The following ATRNL1 variants were observed in gnomAD, a reference collection of about 807,000 sequenced individuals.
The protein encoded by ATRNL1 is attractin like 1.
ATRNL1 carries 95 observed loss-of-function variants against 182.7 expected under a neutral mutation model. The observed-to-expected ratio is 0.52, with a 90% CI of 0.44 to 0.62. The LOEUF (loss-of-function observed/expected upper bound fraction) is 0.62. Ranked by LOEUF, ATRNL1 falls within the 20% of genes least tolerant of loss-of-function variation. The probability of loss-of-function intolerance (pLI) is 0.00; values close to 1 mark genes in which losing one functional copy is unlikely to be tolerated. For missense variants in ATRNL1, 1,471 were observed against 1,679.5 expected (o/e 0.88, Z 2.17); for synonymous variants, 576 against 568.3 (o/e 1.01, Z -0.19).
intron 26 of ATRNL1, among the ~76,000 whole-genome samples, chr10:115,682,005 C>A (rs1325834890): frequency 6.6e-6 from 1 of 152,130 alleles, no homozygotes; most frequent in Non-Finnish European, 1.5e-5. Context: ...ACTTGGTGTG[C>A]AGCCCTTTAT....
chr10:115,715,454 A>G (rs1317171379), intron 26 of ATRNL1, among the ~76,000 whole-genome samples: 2 of 152,178 alleles, frequency 1.3e-5, no homozygotes, highest in Non-Finnish European at 2.9e-5. Flanking sequence ...ACCCTGGAAT[A>G]TGAAAAAGCA....
intron 28 of ATRNL1, among the ~76,000 whole-genome samples, chr10:115,868,822 C>CTTTTTTTTCTTTTTTTTTTTT (rs1951501368): frequency 1.7e-5 from 1 of 58,084 alleles, no homozygotes; most frequent in Non-Finnish European, 3.2e-5. Flanking sequence ...AGTCTTTATT[C>CTTTTTTTTCTTTTTTTTTTTT]TTTTTTTTTT....
chr10:115,311,190 T>TA (rs1164076687), intron 17 of ATRNL1, among the ~76,000 whole-genome samples: 1 of 858 alleles, frequency 1.2e-3, no homozygotes, highest in South Asian at 0.25. Context: ...ATGATTTAGA[T>TA]TTTTTTTTTT....
At chr10:115,507,630 A>G (rs560099438) in intron 24 of ATRNL1, among the ~76,000 whole-genome samples, 1 of 152,184 alleles carries the variant, frequency 6.6e-6, no homozygotes, top group South Asian at 2.1e-4. Flanking sequence ...AATTAATAAC[A>G]TTACCTAATT....
intron 27 of ATRNL1, among the ~76,000 whole-genome samples, chr10:115,794,500 A>G (rs889898455): frequency 2.0e-5 from 3 of 152,194 alleles, no homozygotes; most frequent in Non-Finnish European, 4.4e-5. Context: ...TTTCCTCAGT[A>G]TACAACAGTT....
intron 27 of ATRNL1, among the ~76,000 whole-genome samples, chr10:115,826,339 A>G (rs1443338016): frequency 2.0e-5 from 3 of 151,968 alleles, no homozygotes; most frequent in African/African-American, 7.3e-5. Flanking sequence ...CTTCGCTCCC[A>G]TAGCTTGGCG....
intron 26 of ATRNL1, among the ~76,000 whole-genome samples, chr10:115,633,136 CCT>C (rs1477276158): frequency 6.6e-6 from 1 of 152,116 alleles, no homozygotes; most frequent in East Asian, 1.9e-4. Context: ...GCCTCGAACT[CCT>C]CACCTCAAGT....
At chr10:115,497,110 G>T (rs1554978537) in intron 24 of ATRNL1, among the ~76,000 whole-genome samples, 1 of 152,070 alleles carries the variant, frequency 6.6e-6, no homozygotes, top group African/African-American at 2.4e-5. Flanking sequence ...TGGAGAACCA[G>T]TCTAAAAGCT....
chr10:115,108,838 C>G (rs568087062), intron 1 of ATRNL1, among the ~76,000 whole-genome samples: 1 of 152,252 alleles, frequency 6.6e-6, no homozygotes, highest in South Asian at 2.1e-4. Flanking sequence ...CTAAGTAATT[C>G]CTTTCTAACT....
intron 5 of ATRNL1, among the ~76,000 whole-genome samples, chr10:115,151,540 A>G (rs1275199388): frequency 6.6e-6 from 1 of 152,132 alleles, no homozygotes; most frequent in Non-Finnish European, 1.5e-5. Context: ...GTGTCTGTTC[A>G]TATCCTTCGC....
chr10:115,365,616 G>A (rs1215817126), intron 19 of ATRNL1, among the ~76,000 whole-genome samples: 1 of 151,692 alleles, frequency 6.6e-6, no homozygotes, highest in Non-Finnish European at 1.5e-5. Context: ...TGATGTTAGG[G>A]TGTCAATTTT....
intron 21 of ATRNL1, among the ~76,000 whole-genome samples, chr10:115,427,683 A>G (rs1364261808): frequency 1.3e-5 from 2 of 152,152 alleles, no homozygotes; most frequent in Non-Finnish European, 2.9e-5. Context: ...TGTGAAGACT[A>G]TACTTTAATC....
At chr10:115,343,987 T>C (rs573374326) in intron 19 of ATRNL1, among the ~76,000 whole-genome samples, 54 of 152,266 alleles carry the variant, frequency 3.5e-4, no homozygotes, top group African/African-American at 1.2e-3. Context: ...CAAACAGAAT[T>C]CCTCTCTCTG....
intron 26 of ATRNL1, among the ~76,000 whole-genome samples, chr10:115,726,664 C>T (rs1555060187): frequency 1.3e-5 from 2 of 152,200 alleles, no homozygotes; most frequent in African/African-American, 2.4e-5. Flanking sequence ...AATCATGCCT[C>T]ATTTTGAATG....
At chr10:115,870,071 T>C (rs1437229214) in intron 28 of ATRNL1, among the ~76,000 whole-genome samples, 2 of 151,392 alleles carry the variant, frequency 1.3e-5, no homozygotes, top group Non-Finnish European at 2.9e-5. Flanking sequence ...TTGGGACACA[T>C]TACTTGTTCT....
At chr10:115,484,855 A>C (rs1356600561) in intron 24 of ATRNL1, among the ~76,000 whole-genome samples, 1 of 151,882 alleles carries the variant, frequency 6.6e-6, no homozygotes, top group Non-Finnish European at 1.5e-5. Context: ...TGTGGGGGAG[A>C]CTAAGAAGAA....
intron 27 of ATRNL1, among the ~76,000 whole-genome samples, chr10:115,791,740 C>A (rs1949536744): frequency 2.0e-5 from 3 of 152,112 alleles, no homozygotes; most frequent in Admixed American, 2.0e-4. Flanking sequence ...CTCTTTCCAA[C>A]CTTTCTTCCC....
At position 115,116,121 on chromosome 10, in the gene ATRNL1, G is replaced by T. The variant is rs189967060; in HGVS notation, c.294-4064G>T. Among the ~76,000 whole-genome samples the T allele has an allele frequency of 2.6e-5, 4 of 152,036 alleles. No homozygotes were observed. The East Asian group carries it at 7.7e-4, about 29-fold the overall frequency. ...GTTGCCAGTACTCAACTCTGTCCTC[G>T]TAGTGTGTTAGCAATCTTAGATAAT... On this transcript the variant is annotated intron_variant, in intron 1 of 28. Coordinates refer to ENST00000355044, the MANE Select transcript of ATRNL1 (RefSeq NM_207303.4).
intron 25 of ATRNL1, among the ~76,000 whole-genome samples, chr10:115,538,443 G>A (rs551066603): frequency 1.3e-5 from 2 of 150,942 alleles, no homozygotes; most frequent in South Asian, 4.2e-4. Context: ...TTCCTTAATG[G>A]CTAATGACGT....
Sources: allele counts gnomAD v4.1 joint callset (sites outside exome capture counted in the v4.1 genomes callset), GRCh38; gene constraint gnomAD v4.1.1; transcripts MANE v1.5; gene names NCBI Gene and HGNC (gene_info 2026-07-23, HGNC 2026-07-21).